Variants in NCOA6 observed in about 807,000 individuals in gnomAD.
The protein encoded by NCOA6 is NRC RAP250.
NCOA6 carries 49 observed loss-of-function variants against 171.4 expected under a neutral mutation model. The ratio of observed to expected loss-of-function variants is 0.29; its 90% CI spans 0.23 to 0.36. The LOEUF is 0.36. Among genes scored for constraint, NCOA6 ranks in the 10% least tolerant of loss-of-function variants. The pLI is 1.00. For missense variants in NCOA6, 2,248 were observed against 2,554.5 expected (o/e 0.88, Z 2.59); for synonymous variants, 910 against 927.5 (o/e 0.98, Z 0.34).
intron 1 of NCOA6, among the ~76,000 whole-genome samples, chr20:34,801,538 G>A (rs1322979686): frequency 6.6e-6 from 1 of 152,100 alleles, no homozygotes; most frequent in African/African-American, 2.4e-5. Flanking sequence ...GAAATTCAAA[G>A]GATCGTTAGA....
intron 5 of NCOA6, among the ~76,000 whole-genome samples, chr20:34,766,769 C>T (rs1429416605): frequency 2.6e-5 from 4 of 152,120 alleles, no homozygotes; most frequent in African/African-American, 9.7e-5. Context: ...ATATTAAGTC[C>T]TTTGGCCAGG....
At chr20:34,822,915 T>G (rs2079049901) in intron 1 of NCOA6, among the ~76,000 whole-genome samples, 1 of 152,222 alleles carries the variant, frequency 6.6e-6, no homozygotes, top group Admixed American at 6.5e-5. Flanking sequence ...TATTAGCAGT[T>G]CTGTGACTCT....
At chr20:34,744,810 T>C (rs937082798) in intron 10 of NCOA6, among the ~76,000 whole-genome samples, 6 of 152,132 alleles carry the variant, frequency 3.9e-5, no homozygotes, top group African/African-American at 1.4e-4. Context: ...CAGTCTGGGG[T>C]TCCCACATTA....
In NCOA6 at chr20:34,741,797, C is replaced by A. The variant is rs1201240661; in HGVS notation, c.4459G>T (p.Ala1487Ser). Residue 1487 changes from alanine (A) to serine (S), a missense_variant, in exon 11 of 15, where the codon GCA (alanine) becomes TCA (serine). By Grantham distance (99) the Ala-to-Ser change is moderately conservative. Around this residue, in one of 7 missense-constraint regions of NCOA6, gnomAD observed 884 missense variants for 941.9 expected, o/e 0.94. Coordinates refer to ENST00000359003, the MANE Select transcript of NCOA6 (RefSeq NM_014071.5). ...AGAAGTTGACTTAACGATGTTGGTG[C>A]TTCCCTCATAGCAGGAGACACCAAA... ...KNLVSPAMRE[A>S]PTSLSQLLDN... is the part of the protein sequence containing the mutation. 1 of 1,614,030 alleles carries A rather than the reference C, an allele frequency of 6.2e-7. No individual in the cohort carries two copies. Among genetic ancestry groups the A allele is most frequent in the Non-Finnish European group, 8.5e-7 (1 of 1,180,032 alleles).
intron 6 of NCOA6, 39 bp from the exon 7 acceptor site, chr20:34,758,143 T>C (rs756428512): frequency 6.4e-7 from 1 of 1,562,338 alleles, no homozygotes; most frequent in Non-Finnish European, 8.7e-7. Flanking sequence ...ATTAACCTAC[T>C]GCAATCTAGA....
At chr20:34,752,828 C>T (rs1031198443) in intron 8 of NCOA6, among the ~76,000 whole-genome samples, 15 of 150,696 alleles carry the variant, frequency 1.0e-4, no homozygotes, top group Admixed American at 2.0e-4. Context: ...AACAGAAAAA[C>T]GCTTGAACCT....
At position 34,715,323 on chromosome 20, in the gene NCOA6, T is replaced by A. The variant is rs200286160; in HGVS notation, c.6191A>T (p.Ter2064LeuextTer7). ...GTATCAAGTCGCAGTCCTGCTTGTT[T>A]ACTTGGATTTTCTTCGCTTGGATTG... ...AVQSKRRKSK[*>L] Residue 2064 changes from the stop codon to leucine (L), a stop_lost, in exon 15 of 15, where the codon TAA (stop) becomes TTA (leucine). Coordinates refer to ENST00000359003, the MANE Select transcript of NCOA6 (RefSeq NM_014071.5). 1.4e-5 allele frequency: 23 copies of A among 1,614,098 alleles called. No homozygotes were observed. Among genetic ancestry groups the A allele is most frequent in the Admixed American group, 8.3e-5 (5 of 60,030 alleles).
rs755268427 is a variant in NCOA6 at position 34,754,793 on chromosome 20, G to A, written c.1604C>T (p.Ser535Leu). Residue 535 changes from serine (S) to leucine (L), a missense_variant, in exon 8 of 15, where the codon TCG becomes TTG. Transcript: ENST00000359003. ...NPNFMQGQVPSTTATTPGNSG... is the reference protein window; with the variant it reads ...NPNFMQGQVPLTTATTPGNSG... ...ATTCCCAGGGGTGGTTGCTGTGGTC[G>A]AAGGCACCTGACCTTGCATAAAGTT... The A allele has an allele frequency of 5.0e-6, 8 of 1,614,032 alleles. No individual in the cohort carries two copies. The highest frequency in any genetic ancestry group is 4.5e-5 in the East Asian group (2 of 44,902).
chr20:34,825,062 C>G (rs1017612312), intron 1 of NCOA6, among the ~76,000 whole-genome samples: 1 of 152,134 alleles, frequency 6.6e-6, no homozygotes, highest in Non-Finnish European at 1.5e-5. Flanking sequence ...TCCCGGTTCC[C>G]TTCGGACCCA....
chr20:34,746,034 A>G (rs2076291003), intron 10 of NCOA6, among the ~76,000 whole-genome samples: 1 of 152,076 alleles, frequency 6.6e-6, no homozygotes, highest in South Asian at 2.1e-4. Context: ...TATCTTCTTT[A>G]TATTTTAAAG....
Position 34,736,701 on chromosome 20 carries a change from A to G in NCOA6, c.5951T>C (p.Val1984Ala). ...AAAGTACGCCTTACCTGGTCTGGCAACAGAGGCCTGCAGTGCTGTGGTTGA... is the reference window on the plus strand; with the variant it reads ...AAAGTACGCCTTACCTGGTCTGGCAGCAGAGGCCTGCAGTGCTGTGGTTGA... ...ETSTTALQAS[V>A]ARPELEVNAA... The change falls in exon 12 of 15, where the codon GTT (valine) becomes GCT (alanine). Residue 1984 changes from valine to alanine, a missense_variant. Around this residue, in one of 7 missense-constraint regions of NCOA6, gnomAD observed 884 missense variants for 941.9 expected, o/e 0.94. Transcript: ENST00000359003. 6.2e-7 allele frequency: 1 copy of G among 1,609,102 alleles called. No individual in the cohort carries two copies. The highest frequency in any genetic ancestry group is 2.2e-5 in the East Asian group (1 of 44,692).
chr20:34,796,897 C>T (rs976837330), intron 1 of NCOA6, among the ~76,000 whole-genome samples: 2 of 151,938 alleles, frequency 1.3e-5, no homozygotes, highest in African/African-American at 4.8e-5. Flanking sequence ...AGACTTCTCA[C>T]TATGTATCTT....
chr20:34,807,095 T>C (rs1197675426), intron 1 of NCOA6, among the ~76,000 whole-genome samples: 2 of 152,188 alleles, frequency 1.3e-5, no homozygotes, highest in Non-Finnish European at 2.9e-5. Flanking sequence ...TCCATGATTA[T>C]AAAAAATTGT....
At chr20:34,814,005 T>G (rs1450546304) in intron 1 of NCOA6, among the ~76,000 whole-genome samples, 1 of 152,090 alleles carries the variant, frequency 6.6e-6, no homozygotes, top group Non-Finnish European at 1.5e-5. Context: ...AAAAAAGATT[T>G]ATAAAAAGAT....
At chr20:34,782,842 C>G (rs1341466042) in intron 2 of NCOA6, among the ~76,000 whole-genome samples, 1 of 152,178 alleles carries the variant, frequency 6.6e-6, no homozygotes, top group Non-Finnish European at 1.5e-5. Flanking sequence ...CTCCAAACTA[C>G]AAAGCACAAC....
intron 9 of NCOA6, among the ~76,000 whole-genome samples, chr20:34,748,249 GAGAA>G (rs1746928012): frequency 6.6e-6 from 1 of 151,968 alleles, no homozygotes; most frequent in South Asian, 2.1e-4. Flanking sequence ...GAATTTAACT[GAGAA>G]AGAGCTATCA....
chr20:34,815,912 G>A (rs1484979066), intron 1 of NCOA6, among the ~76,000 whole-genome samples: 1 of 152,110 alleles, frequency 6.6e-6, no homozygotes, highest in African/African-American at 2.4e-5. Context: ...ACTTGACTCA[G>A]TTACTCAAAG....
chr20:34,764,869 T>G (rs2076928984), intron 5 of NCOA6, among the ~76,000 whole-genome samples: 1 of 151,678 alleles, frequency 6.6e-6, no homozygotes, highest in Non-Finnish European at 1.5e-5. Context: ...ATCTCAGCAC[T>G]TTGTGAGGCC....
chr20:34,723,266 A>T (rs1038053367), intron 14 of NCOA6, among the ~76,000 whole-genome samples: 3 of 152,204 alleles, frequency 2.0e-5, no homozygotes, highest in Non-Finnish European at 4.4e-5. Context: ...CCAGGCAGAT[A>T]GTGTCAGAAT....
Sources: allele counts gnomAD v4.1 joint callset (sites outside exome capture counted in the v4.1 genomes callset), GRCh38; gene constraint gnomAD v4.1.1; regional missense constraint gnomAD v4.1.1; transcripts MANE v1.5; gene names NCBI Gene and HGNC (gene_info 2026-07-23, HGNC 2026-07-21).